KAZN: variants seen among roughly 807,000 people sequenced by gnomAD.
KAZN encodes the protein kazrin, periplakin interacting protein, also known as kazrin.
Under a neutral mutation model 87.4 loss-of-function variants are expected in KAZN, and 40 were observed. That is an observed-to-expected ratio of 0.46 (90% confidence interval 0.36 to 0.60). The LOEUF is 0.60. Ranked by LOEUF, KAZN falls within the 20% of genes least tolerant of loss-of-function variation. The pLI, the probability that KAZN is intolerant of heterozygous loss-of-function variation, is 0.00. For missense variants in KAZN, 898 were observed against 1,073.9 expected, an observed-to-expected ratio of 0.84 and a Z score of 2.29; for synonymous variants, 466 against 458.3, an observed-to-expected ratio of 1.02 and a Z score of -0.22.
intron 1 of KAZN, among the ~76,000 whole-genome samples, chr1:14,041,929 G>A (rs1246155417): frequency 1.3e-5 from 2 of 152,148 alleles, no homozygotes; most frequent in African/African-American, 4.8e-5. Flanking sequence ...GAAAAGTCCA[G>A]TTCCGTACTG....
At chr1:14,222,950 T>C (rs1289263530) in intron 2 of KAZN, 5 of 152,188 alleles carry the variant, frequency 3.3e-5, no homozygotes, top group South Asian at 2.1e-4. Flanking sequence ...TCATCATCAT[T>C]ATTTTAAATA....
chr1:14,864,692 C>T (rs574598410), intron 1 of KAZN, among the ~76,000 whole-genome samples: 1 of 152,252 alleles, frequency 6.6e-6, no homozygotes, highest in Admixed American at 6.5e-5. Flanking sequence ...TTTTGCACCA[C>T]CCTCCATCCC....
intron 1 of KAZN, among the ~76,000 whole-genome samples, chr1:14,681,650 TATATATA>T (rs1445923574): frequency 4.4e-4 from 6 of 13,590 alleles, no homozygotes; most frequent in Admixed American, 1.4e-3. Flanking sequence ...TATATATATA[TATATATA>T]TTTTTTTTTT....
intron 10 of KAZN, among the ~76,000 whole-genome samples, chr1:15,097,400 A>C (rs902560067): frequency 6.6e-6 from 1 of 152,132 alleles, no homozygotes; most frequent in Non-Finnish European, 1.5e-5. Flanking sequence ...GGGACTGGTC[A>C]CCTTATCTAC....
intron 2 of KAZN, among the ~76,000 whole-genome samples, chr1:14,977,542 T>C (rs1036880187): frequency 2.0e-5 from 3 of 152,182 alleles, no homozygotes; most frequent in Non-Finnish European, 2.9e-5. Context: ...CTGCAGTGAG[T>C]GTCGCGCTCT....
intron 1 of KAZN, among the ~76,000 whole-genome samples, chr1:14,113,838 A>G (rs1644550740): frequency 6.6e-6 from 1 of 152,336 alleles, no homozygotes; most frequent in East Asian, 1.9e-4. Flanking sequence ...AGGGCTTTGC[A>G]TGGTGGAAAC....
intron 2 of KAZN, among the ~76,000 whole-genome samples, chr1:15,024,201 A>G (rs1436672844): frequency 2.0e-5 from 3 of 152,088 alleles, no homozygotes; most frequent in Non-Finnish European, 2.9e-5. Context: ...AGCAGGCAGA[A>G]ATGAGAGGAA....
rs79355231 is a variant in KAZN at position 14,990,709 on chromosome 1, G to A, written c.418+29834G>A. On this transcript the variant is annotated intron_variant, in intron 2 of 14. Transcript: ENST00000376030. Reference sequence around the variant, plus strand: ...TGCCACCCTCCCTGCTCTGGAGCACGCCAGGTCTTGGGGGTCAGCTGCTTT... The same window carrying A: ...TGCCACCCTCCCTGCTCTGGAGCACACCAGGTCTTGGGGGTCAGCTGCTTT... Among the ~76,000 whole-genome samples, 2,354 of 151,860 alleles carry A rather than the reference G, an allele frequency of 0.016. 160 individuals carry two copies. The East Asian group carries it at 0.24, about 16-fold the overall frequency.
intron 2 of KAZN, among the ~76,000 whole-genome samples, chr1:14,537,077 C>T (rs1420472805): frequency 1.3e-5 from 2 of 152,196 alleles, no homozygotes; most frequent in Non-Finnish European, 1.5e-5. Flanking sequence ...AGAAGGTACT[C>T]AGTAAATATT....
At chr1:14,198,335 C>T (rs1646570685) in intron 2 of KAZN, among the ~76,000 whole-genome samples, 1 of 152,190 alleles carries the variant, frequency 6.6e-6, no homozygotes, top group African/African-American at 2.4e-5. Context: ...CATAGTGGCT[C>T]ACACCTGTAA....
intron 2 of KAZN, among the ~76,000 whole-genome samples, chr1:14,558,695 C>G (rs375829844): frequency 6.6e-6 from 1 of 152,108 alleles, no homozygotes; most frequent in Non-Finnish European, 1.5e-5. Context: ...TGGGAAGGAA[C>G]GGTCTTCTGC....
intron 2 of KAZN, among the ~76,000 whole-genome samples, chr1:14,460,270 G>A (rs942362771): frequency 2.0e-5 from 3 of 152,168 alleles, no homozygotes; most frequent in Admixed American, 6.5e-5. Flanking sequence ...GCTGGATGTC[G>A]GGCTTGGGCA....
intron 1 of KAZN, among the ~76,000 whole-genome samples, chr1:14,943,069 GGT>G (rs1491556156): frequency 4.9e-5 from 6 of 122,346 alleles, no homozygotes; most frequent in African/African-American, 8.7e-5. Flanking sequence ...GAGAGCCTTG[GGT>G]TTTTTTTTTT....
At chr1:15,102,136 G>C (rs72640713) in intron 11 of KAZN, among the ~76,000 whole-genome samples, 7,275 of 152,254 alleles carry the variant, frequency 0.048, 199 homozygotes, top group Middle Eastern at 0.068. Flanking sequence ...TATTGTGGGA[G>C]ATTGTCCCAG....
chr1:14,205,936 G>T (rs1052700400), intron 2 of KAZN, among the ~76,000 whole-genome samples: 2 of 132,876 alleles, frequency 1.5e-5, no homozygotes, highest in African/African-American at 2.8e-5. Flanking sequence ...CGAGTTTAAT[G>T]GGTGCAACAC....
At chr1:15,051,599 T>C (rs1674411156) in intron 4 of KAZN, among the ~76,000 whole-genome samples, 1 of 152,152 alleles carries the variant, frequency 6.6e-6, no homozygotes, top group East Asian at 1.9e-4. Context: ...CCAGCAACCA[T>C]GTGAGGGAGG....
intron 1 of KAZN, among the ~76,000 whole-genome samples, chr1:14,165,191 C>T (rs1645799528): frequency 6.6e-6 from 1 of 151,726 alleles, no homozygotes; most frequent in Non-Finnish European, 1.5e-5. Flanking sequence ...TTCAACTTTC[C>T]TGCCTCTTTA....
At chr1:14,274,520 G>A (rs540857973) in intron 2 of KAZN, among the ~76,000 whole-genome samples, 29 of 152,266 alleles carry the variant, frequency 1.9e-4, no homozygotes, top group African/African-American at 7.0e-4. Context: ...AGATGCCAAG[G>A]CCCACCTGTA....
At chr1:14,188,175 GGAGA>G (rs149202680) in intron 2 of KAZN, among the ~76,000 whole-genome samples, 35 of 142,686 alleles carry the variant, frequency 2.5e-4, no homozygotes, top group African/African-American at 8.0e-4. Flanking sequence ...ATCTGGGGAT[GGAGA>G]GAGAGAGAGA....
Sources: allele counts gnomAD v4.1 joint callset (sites outside exome capture counted in the v4.1 genomes callset), GRCh38; gene constraint gnomAD v4.1.1; transcripts MANE v1.5; gene names NCBI Gene and HGNC (gene_info 2026-07-23, HGNC 2026-07-21).